SP4: variants seen among roughly 807,000 people sequenced by gnomAD.
SP4 encodes transcription factor Sp4.
SP4 carries 19 observed loss-of-function variants against 72.8 expected under a neutral mutation model. The observed-to-expected ratio is 0.26, with a 90% CI of 0.18 to 0.38. The LOEUF (loss-of-function observed/expected upper bound fraction) is 0.38, where lower values mean the gene tolerates loss of function less well. Ranked by LOEUF, SP4 falls within the 10% of genes least tolerant of loss-of-function variation. The pLI is 1.00. For synonymous variants in SP4, 395 were observed against 333.1 expected (o/e 1.19, Z -2.02); for missense variants, 1,008 against 926.3 (o/e 1.09, Z -1.14).
In SP4 at chr7:21,514,335, C is replaced by T. The variant is rs914367674; in HGVS notation, c.*3066C>T. The stretch of plus-strand genomic sequence containing the variant: ...ATTGCAACAATATTTGTATTTAAGT[C>T]TCCATTTTAATGCCTTGTGGTGTTT... On this transcript the variant is annotated 3_prime_UTR_variant, in exon 6 of 6. Transcript: ENST00000222584. 2 of 152,432 alleles carry T rather than the reference C, an allele frequency of 1.3e-5. No homozygotes were observed. Among genetic ancestry groups the T allele is most frequent in the Non-Finnish European group, 2.9e-5 (2 of 67,986 alleles). The allele number at this position is 152,432 out of a possible 1,614,324, so 9.4% of individuals were successfully genotyped here. A position where few individuals can be genotyped will look rare whatever the true frequency, so the allele number is the denominator to read the frequency against.
intron 5 of SP4, among the ~76,000 whole-genome samples, chr7:21,504,353 T>C (rs1171581724): frequency 6.6e-6 from 1 of 152,204 alleles, no homozygotes; most frequent in East Asian, 1.9e-4. Flanking sequence ...AGAATCAGTA[T>C]ATATAGTGCC....
intron 5 of SP4, among the ~76,000 whole-genome samples, chr7:21,508,661 C>T (rs533790912): frequency 6.6e-6 from 1 of 152,196 alleles, no homozygotes; most frequent in African/African-American, 2.4e-5. Flanking sequence ...AAGTAGGCCA[C>T]TGCCTCCACC....
chr7:21,442,906 T>A (rs749060528), intron 3 of SP4, among the ~76,000 whole-genome samples: 10 of 152,176 alleles, frequency 6.6e-5, no homozygotes, highest in Non-Finnish European at 1.2e-4. Flanking sequence ...CAGCTAATTT[T>A]TCTATTTTTA....
intron 5 of SP4, among the ~76,000 whole-genome samples, chr7:21,495,217 G>GA (rs1241878764): frequency 2.0e-5 from 3 of 152,132 alleles, no homozygotes; most frequent in African/African-American, 4.8e-5. Context: ...ATCCATAAAA[G>GA]AAAAAATCAG....
At chr7:21,507,377 G>A (rs1460637321) in intron 5 of SP4, among the ~76,000 whole-genome samples, 1 of 152,222 alleles carries the variant, frequency 6.6e-6, no homozygotes, top group East Asian at 1.9e-4. Flanking sequence ...TAGAGGAGCA[G>A]TTGGTTTGGC....
chr7:21,503,047 G>A (rs952119148), intron 5 of SP4, among the ~76,000 whole-genome samples: 7 of 151,906 alleles, frequency 4.6e-5, no homozygotes, highest in Non-Finnish European at 1.0e-4. Flanking sequence ...GCAGCTGTTC[G>A]CATGGCTGTC....
chr7:21,463,996 A>T (rs1784081970), intron 3 of SP4, among the ~76,000 whole-genome samples: 1 of 152,204 alleles, frequency 6.6e-6, no homozygotes, highest in Admixed American at 6.5e-5. Context: ...TAGTGGGATA[A>T]GATATGTAAA....
rs1452467747 is a variant in SP4 at position 21,456,530 on chromosome 7, C to T, written c.1679-20549C>T. Among the ~76,000 whole-genome samples, 9 of 152,152 alleles carry T rather than the reference C, an allele frequency of 5.9e-5. No individual in the cohort carries two copies. The East Asian group carries it at 1.3e-3, about 23-fold the overall frequency. ...GCTGCCAAGCACACAGCAAGAGCTG[C>T]GGACACATGAATAACAGGGAGTGTG... On this transcript the variant is annotated intron_variant, in intron 3 of 5. Transcript: ENST00000222584.
intron 5 of SP4, among the ~76,000 whole-genome samples, chr7:21,500,033 G>A (rs1343451595): frequency 6.6e-6 from 1 of 152,160 alleles, no homozygotes; most frequent in Non-Finnish European, 1.5e-5. Context: ...AAAATAGTAA[G>A]TAGTCGAATG....
rs180977672 is a variant in SP4, at chr7:21,460,159, G to C, written c.1679-16920G>C. Among the ~76,000 whole-genome samples the C allele has an allele frequency of 4.1e-3, 620 of 152,306 alleles. 3 individuals are homozygous for C. Among genetic ancestry groups the C allele is most frequent in the African/African-American group, 0.014 (595 of 41,564 alleles). On this transcript the variant is annotated intron_variant, in intron 3 of 5. Coordinates refer to ENST00000222584, the MANE Select transcript of SP4 (RefSeq NM_003112.5). ...TACAAAAGATAGTGTGTCCGGAATT[G>C]GTGGGTTCTTGGTCTCAATGACTTC...
chr7:21,468,600 A>G (rs1463996098), intron 3 of SP4, among the ~76,000 whole-genome samples: 1 of 151,564 alleles, frequency 6.6e-6, no homozygotes, highest in Non-Finnish European at 1.5e-5. Context: ...GTATTTGGCC[A>G]TCTCGCTGAT....
rs147384266 is a variant in SP4 at position 21,474,487 on chromosome 7, G to GTA, written c.1679-2591_1679-2590dup. 5.3e-3 allele frequency among the ~76,000 whole-genome samples: 804 copies of GTA among 152,264 alleles called. 8 individuals are homozygous for GTA. Among genetic ancestry groups the GTA allele is most frequent in the African/African-American group, 0.019 (770 of 41,554 alleles). ...AGTGTGTGTATCACTGTGCTTCTTG[G>GTA]TACACAAGTAGTTTGAATAGATTTT... is the stretch of plus-strand genomic sequence containing the variant. On this transcript the variant is annotated intron_variant, in intron 3 of 5. Transcript: ENST00000222584.
At chr7:21,471,332 T>C (rs1784336832) in intron 3 of SP4, among the ~76,000 whole-genome samples, 2 of 152,122 alleles carry the variant, frequency 1.3e-5, no homozygotes, top group Admixed American at 1.3e-4. Flanking sequence ...GTACAAGCAA[T>C]AGGTATGGTG....
chr7:21,461,621 C>T (rs188717731), intron 3 of SP4, among the ~76,000 whole-genome samples: 17 of 152,290 alleles, frequency 1.1e-4, no homozygotes, highest in Non-Finnish European at 2.5e-4. Flanking sequence ...CCACCCGTGC[C>T]TCTCCCTCCA....
chr7:21,504,126 A>G (rs6945742), intron 5 of SP4, among the ~76,000 whole-genome samples: 60,040 of 151,924 alleles, frequency 0.4, 13,503 homozygotes, highest in East Asian at 0.85. Flanking sequence ...AGGCTTGCTT[A>G]GCAGCTTCAT....
rs182135386 is a variant in SP4, at chr7:21,514,119, T to C, written c.*2850T>C. 1 of 152,756 alleles carries C rather than the reference T, an allele frequency of 6.5e-6. No individual in the cohort carries two copies. Among genetic ancestry groups the C allele is most frequent in the Admixed American group, 6.5e-5 (1 of 15,298 alleles). 9.5% of individuals were successfully genotyped at this position (152,756 alleles called of 1,614,324 possible). On this transcript the variant is annotated 3_prime_UTR_variant, in exon 6 of 6. Transcript: ENST00000222584. Reference sequence around the variant, plus strand: ...AAAACTCCAGTGTTAGAATAGTTTTTTCTTACAGTATACTTTCTTTGGTTA... The same window carrying C: ...AAAACTCCAGTGTTAGAATAGTTTTCTCTTACAGTATACTTTCTTTGGTTA...
At chr7:21,440,776 A>C (rs1583382902) in intron 3 of SP4, among the ~76,000 whole-genome samples, 1 of 152,092 alleles carries the variant, frequency 6.6e-6, no homozygotes. Context: ...CATGAGCCTG[A>C]AAGTCGAAGG....
chr7:21,449,494 A>G (rs1783524715), intron 3 of SP4, among the ~76,000 whole-genome samples: 1 of 152,138 alleles, frequency 6.6e-6, no homozygotes, highest in Non-Finnish European at 1.5e-5. Context: ...CTTTTTTTGG[A>G]AGTAACTTGA....
intron 3 of SP4, among the ~76,000 whole-genome samples, chr7:21,451,874 C>T (rs1473099820): frequency 6.6e-6 from 1 of 152,210 alleles, no homozygotes; most frequent in Non-Finnish European, 1.5e-5. Context: ...AATTCTGAGA[C>T]TCCCAACATG....
Sources: gnomAD v4.1 joint callset for allele counts (sites outside exome capture counted in the v4.1 genomes callset) on GRCh38, gnomAD v4.1.1 for gene constraint, MANE v1.5 for transcripts, NCBI Gene and HGNC (gene_info 2026-07-23, HGNC 2026-07-21) for gene names.